Variants in ZNF346 observed in about 807,000 individuals in gnomAD.
The protein encoded by ZNF346 is zinc finger protein 346.
In ZNF346, 23 loss-of-function variants were observed where a neutral mutation model predicts 33.7. The ratio of observed to expected loss-of-function variants is 0.68; its 90% confidence interval spans 0.49 to 0.97. The LOEUF (loss-of-function observed/expected upper bound fraction) is 0.97, where lower values mean the gene tolerates loss of function less well. Ranked by LOEUF, ZNF346 falls within the 50% of genes least tolerant of loss-of-function variation. ZNF346 has a pLI of 0.00. For synonymous variants in ZNF346, 134 were observed against 142.4 expected, an observed-to-expected ratio of 0.94 and a Z score of 0.42; for missense variants, 340 against 371.1, an observed-to-expected ratio of 0.92 and a Z score of 0.69.
At chr5:177,056,048 C>G (rs986456725) in intron 5 of ZNF346, among the ~76,000 whole-genome samples, 2 of 140,230 alleles carry the variant, frequency 1.4e-5, no homozygotes, top group African/African-American at 2.7e-5. Context: ...TGCACTCCAG[C>G]CTGGGCAAAA....
At chr5:177,062,856 C>G (rs542474820) in intron 6 of ZNF346, among the ~76,000 whole-genome samples, 20 of 152,132 alleles carry the variant, frequency 1.3e-4, no homozygotes, top group Non-Finnish European at 2.2e-4. Flanking sequence ...AACCAGCATT[C>G]AAAGTGGTGA....
At chr5:177,048,783 T>C (rs1438972310) in intron 4 of ZNF346, among the ~76,000 whole-genome samples, 5 of 145,808 alleles carry the variant, frequency 3.4e-5, no homozygotes, top group African/African-American at 8.3e-5. Flanking sequence ...TTTTCTTTTT[T>C]TTTCTTTTTT....
At chr5:177,045,424 G>A (rs748434229) in intron 4 of ZNF346, among the ~76,000 whole-genome samples, 3 of 151,590 alleles carry the variant, frequency 2.0e-5, no homozygotes, top group East Asian at 1.9e-4. Flanking sequence ...GCATGATCTC[G>A]GCTCACTGCA....
intron 8 of ZNF346, among the ~76,000 whole-genome samples, chr5:177,078,237 G>A (rs1000324859): frequency 2.6e-5 from 4 of 152,222 alleles, no homozygotes; most frequent in Admixed American, 6.5e-5. Context: ...CCTGGAAAGC[G>A]GGGAGGACAG....
chr5:177,057,163 T>G (rs984657945), intron 5 of ZNF346, among the ~76,000 whole-genome samples: 33 of 151,596 alleles, frequency 2.2e-4, no homozygotes, highest in African/African-American at 7.5e-4. Flanking sequence ...ATACAAAAAA[T>G]TAGCCGGGTG....
chr5:177,026,405 G>T (rs1168097234), intron 1 of ZNF346, among the ~76,000 whole-genome samples: 1 of 145,206 alleles, frequency 6.9e-6, no homozygotes, highest in African/African-American at 2.6e-5. Context: ...TATCGCCCAG[G>T]CTAGAGTGTG....
At chr5:177,034,125 C>A (rs1440870506) in intron 1 of ZNF346, among the ~76,000 whole-genome samples, 1 of 152,038 alleles carries the variant, frequency 6.6e-6, no homozygotes, top group Non-Finnish European at 1.5e-5. Context: ...TCAAATGATC[C>A]TCCCACCTCA....
At position 177,050,592 on chromosome 5, in the gene ZNF346, C is replaced by T. The variant is rs562698436; in HGVS notation, c.518-159C>T. ...CCTGTGTGACTCACACAGGCAGTGCCACATCTGCAGTAGGATTAACTGGTG... is the reference window on the plus strand; with the variant it reads ...CCTGTGTGACTCACACAGGCAGTGCTACATCTGCAGTAGGATTAACTGGTG... On this transcript the variant is annotated intron_variant, in intron 4 of 6. Coordinates refer to ENST00000358149, the MANE Select transcript of ZNF346 (RefSeq NM_012279.4). 4.8e-5 allele frequency: 34 copies of T among 708,490 alleles called. No individual in the cohort carries two copies. The African/African-American group carries it at 5.0e-4, about 10-fold the overall frequency. 43.9% of individuals were successfully genotyped at this position (708,490 alleles called of 1,614,324 possible).
chr5:177,029,679 A>C (rs1315153236), intron 1 of ZNF346, among the ~76,000 whole-genome samples: 1 of 152,246 alleles, frequency 6.6e-6, no homozygotes, highest in Non-Finnish European at 1.5e-5. Flanking sequence ...GAGAGAGACA[A>C]GTAGGCGGTT....
chr5:177,031,701 T>C (rs928398996), intron 1 of ZNF346, among the ~76,000 whole-genome samples: 2 of 152,124 alleles, frequency 1.3e-5, no homozygotes, highest in African/African-American at 4.8e-5. Context: ...CTCTCTCTCT[T>C]CTCTCTTCTT....
At chr5:177,075,726 G>A (rs530994603) in intron 8 of ZNF346, among the ~76,000 whole-genome samples, 4 of 150,122 alleles carry the variant, frequency 2.7e-5, no homozygotes, top group South Asian at 2.1e-4. Context: ...CTCTCTTGTC[G>A]CCCAGGCTAG....
At chr5:177,023,119 G>A in intron 1 of ZNF346, 1 of 1,489,522 alleles carries the variant, frequency 6.7e-7, no homozygotes. Flanking sequence ...CTCACGCTCA[G>A]GCCCTGGGTT....
At chr5:177,030,656 A>T (rs114248979) in intron 1 of ZNF346, among the ~76,000 whole-genome samples, 1,736 of 152,014 alleles carry the variant, frequency 0.011, 11 homozygotes, top group South Asian at 0.025. Context: ...ACATTCCATA[A>T]AATTCACCTG....
In ZNF346 at chr5:177,077,945, G is replaced by C. The variant is rs190332039; in HGVS notation, c.*3-1437G>C. 3.3e-3 allele frequency among the ~76,000 whole-genome samples: 501 copies of C among 152,260 alleles called. 2 individuals carry two copies. The highest frequency in any genetic ancestry group is 5.5e-3 in the Non-Finnish European group (374 of 68,016). On this transcript the variant is annotated intron_variant, in intron 8 of 8. Transcript: ENST00000503039. This position sits in a 1 kb window ranked among gnomAD's most constrained non-coding sequence, Gnocchi z 5.0. ...GTGGATCACCTGAGGTCAGGAGCTC[G>C]AGCCCAGCCTGGTCAACATGGTGAA...
chr5:177,026,312 C>T (rs962226081), intron 1 of ZNF346, among the ~76,000 whole-genome samples: 1 of 150,420 alleles, frequency 6.6e-6, no homozygotes. Context: ...GCCCCTTCCT[C>T]ATCTTGTTTC....
At chr5:177,050,132 C>T (rs1173600972) in intron 4 of ZNF346, among the ~76,000 whole-genome samples, 1 of 152,146 alleles carries the variant, frequency 6.6e-6, no homozygotes, top group African/African-American at 2.4e-5. Flanking sequence ...AAACGCATAA[C>T]TAAATGTTAA....
At chr5:177,035,404 G>A (rs1778335040) in intron 1 of ZNF346, among the ~76,000 whole-genome samples, 1 of 151,962 alleles carries the variant, frequency 6.6e-6, no homozygotes, top group Admixed American at 6.6e-5. Context: ...TTAAAGTTGT[G>A]TGCAGATATC....
At position 177,050,632 on chromosome 5, in the gene ZNF346, A is replaced by T. The variant is rs1780724730; in HGVS notation, c.518-119A>T. 4 of 1,080,042 alleles carry T rather than the reference A, an allele frequency of 3.7e-6. No homozygotes were observed. In the Admixed American group the frequency reaches 5.6e-5, roughly 15 times the overall value. 66.9% of individuals were successfully genotyped at this position (1,080,042 alleles called of 1,614,324 possible). ...ATTAACTGGTGTCACAGCCCTTTCT[A>T]TTCAGCATACTCAAAAGCCTGACAC... On this transcript the variant is annotated intron_variant, in intron 4 of 6. Transcript: ENST00000358149.
intron 5 of ZNF346, among the ~76,000 whole-genome samples, chr5:177,059,246 G>A (rs547509099): frequency 6.6e-6 from 1 of 152,258 alleles, no homozygotes; most frequent in South Asian, 2.1e-4. Flanking sequence ...TACAGATGAG[G>A]ATATTAAAAC....
Sources: gnomAD v4.1 joint callset for allele counts (sites outside exome capture counted in the v4.1 genomes callset) on GRCh38, gnomAD v4.1.1 for gene constraint, Gnocchi (gnomAD v3.1) non-coding constraint, MANE v1.5 for transcripts, NCBI Gene and HGNC (gene_info 2026-07-23, HGNC 2026-07-21) for gene names.